The following CORIN variants were observed in gnomAD, a reference collection of about 807,000 sequenced individuals.
CORIN encodes the protein atrial natriuretic peptide-converting enzyme.
In CORIN, 117 loss-of-function variants were observed where a neutral mutation model predicts 125.3. That is an observed-to-expected ratio of 0.93 (90% CI 0.80 to 1.09). CORIN has a LOEUF of 1.09. CORIN is among the 50% of genes least tolerant of loss of function. The pLI, the probability that CORIN is intolerant of heterozygous loss-of-function variation, is 0.00. For synonymous variants in CORIN, 450 were observed against 466.4 expected (o/e 0.96, Z 0.45); for missense variants, 1,253 against 1,306.7 (o/e 0.96, Z 0.63).
chr4:47,614,201 T>C (rs1405972609), intron 19 of CORIN, among the ~76,000 whole-genome samples: 1 of 152,192 alleles, frequency 6.6e-6, no homozygotes, highest in African/African-American at 2.4e-5. Context: ...TTTTTGTTGT[T>C]GTTGTTTTGA....
intron 19 of CORIN, among the ~76,000 whole-genome samples, chr4:47,611,945 G>A (rs1721887462): frequency 6.6e-6 from 1 of 152,192 alleles, no homozygotes; most frequent in African/African-American, 2.4e-5. Flanking sequence ...TTTTTGATGT[G>A]CTGCTGGATT....
At chr4:47,695,549 G>T (rs540497335) in intron 5 of CORIN, among the ~76,000 whole-genome samples, 1 of 152,298 alleles carries the variant, frequency 6.6e-6, no homozygotes, top group South Asian at 2.1e-4. Flanking sequence ...TTTGATTATT[G>T]ATATCCCCTG....
At chr4:47,730,026 A>G in intron 5 of CORIN, among the ~76,000 whole-genome samples, 1 of 152,016 alleles carries the variant, frequency 6.6e-6, no homozygotes, top group Non-Finnish European at 1.5e-5. Flanking sequence ...CCTTGCACTC[A>G]TCCTTGGAGC....
intron 12 of CORIN, among the ~76,000 whole-genome samples, chr4:47,657,211 T>C (rs2109653482): frequency 6.6e-6 from 1 of 152,224 alleles, no homozygotes; most frequent in Non-Finnish European, 1.5e-5. Context: ...ATTATGTGTA[T>C]TAGGCCATTC....
chr4:47,745,527 C>T (rs1195863435), intron 4 of CORIN, among the ~76,000 whole-genome samples: 7 of 152,226 alleles, frequency 4.6e-5, no homozygotes, highest in Non-Finnish European at 7.3e-5. Context: ...ATACCTTATT[C>T]AAATCCTTCA....
intron 20 of CORIN, among the ~76,000 whole-genome samples, chr4:47,601,343 G>T (rs1017599792): frequency 2.0e-5 from 3 of 150,022 alleles, no homozygotes; most frequent in African/African-American, 2.5e-5. Context: ...TTGAGACAGG[G>T]TCTCATTCTG....
intron 1 of CORIN, among the ~76,000 whole-genome samples, chr4:47,809,603 T>A (rs891421457): frequency 6.6e-6 from 1 of 152,010 alleles, no homozygotes; most frequent in Non-Finnish European, 1.5e-5. Context: ...AGACAGAGTT[T>A]CACTATGTTG....
intron 19 of CORIN, among the ~76,000 whole-genome samples, chr4:47,606,759 C>T (rs1350741192): frequency 6.6e-6 from 1 of 151,702 alleles, no homozygotes; most frequent in Non-Finnish European, 1.5e-5. Flanking sequence ...TTCTCTTCCT[C>T]CCTTCTCTCC....
chr4:47,829,244 T>G (rs559656094), intron 1 of CORIN, among the ~76,000 whole-genome samples: 1 of 150,788 alleles, frequency 6.6e-6, no homozygotes, highest in East Asian at 2.0e-4. Flanking sequence ...AAATCTTGGA[T>G]ACATTGAGTT....
intron 5 of CORIN, among the ~76,000 whole-genome samples, chr4:47,731,362 C>T (rs6825974): frequency 2.0e-5 from 3 of 152,126 alleles, no homozygotes; most frequent in Middle Eastern, 3.4e-3. Flanking sequence ...GCTAGAGATC[C>T]GCATTTGTAG....
intron 13 of CORIN, 53 bp downstream of exon 13, chr4:47,653,500 T>G: frequency 7.1e-7 from 1 of 1,408,486 alleles, no homozygotes; most frequent in Non-Finnish European, 1.0e-6. Flanking sequence ...AGTTTCTTAT[T>G]TTATTCTAGT....
At chr4:47,628,844 G>A (rs1389804761) in intron 16 of CORIN, among the ~76,000 whole-genome samples, 1 of 152,078 alleles carries the variant, frequency 6.6e-6, no homozygotes, top group Non-Finnish European at 1.5e-5. Context: ...TGTAGTGTGT[G>A]TATGTGTATT....
At chr4:47,748,407 T>C (rs1357442893) in intron 4 of CORIN, among the ~76,000 whole-genome samples, 1 of 152,232 alleles carries the variant, frequency 6.6e-6, no homozygotes, top group Non-Finnish European at 1.5e-5. Flanking sequence ...TTTAAATTGA[T>C]GTCTGAAGTG....
At chr4:47,773,748 A>C (rs1264624315) in intron 3 of CORIN, among the ~76,000 whole-genome samples, 1 of 152,030 alleles carries the variant, frequency 6.6e-6, no homozygotes, top group Non-Finnish European at 1.5e-5. Flanking sequence ...TTCTTTTAAT[A>C]AATATACCTT....
At chr4:47,695,265 T>C (rs539155498) in intron 5 of CORIN, among the ~76,000 whole-genome samples, 3 of 152,348 alleles carry the variant, frequency 2.0e-5, no homozygotes, top group African/African-American at 7.2e-5. Context: ...GGGTTTATCT[T>C]ATTGTGAGAT....
At chr4:47,619,386 A>G (rs916272954) in intron 19 of CORIN, among the ~76,000 whole-genome samples, 1 of 152,224 alleles carries the variant, frequency 6.6e-6, no homozygotes, top group Admixed American at 6.5e-5. Flanking sequence ...AGTAAATCCC[A>G]TTAATTGCTG....
At chr4:47,807,745 A>G (rs1055347773) in intron 1 of CORIN, among the ~76,000 whole-genome samples, 1 of 152,206 alleles carries the variant, frequency 6.6e-6, no homozygotes, top group African/African-American at 2.4e-5. Context: ...AAATGCTTCA[A>G]ATTTTGCTTA....
chr4:47,625,375 T>C (rs1722510298), intron 17 of CORIN, among the ~76,000 whole-genome samples: 1 of 152,062 alleles, frequency 6.6e-6, no homozygotes, highest in Admixed American at 6.6e-5. Context: ...CACTTGTAGT[T>C]AGTAAACCAG....
chr4:47,697,115 T>C (rs1455261436), intron 5 of CORIN, among the ~76,000 whole-genome samples: 3 of 152,204 alleles, frequency 2.0e-5, no homozygotes, highest in Non-Finnish European at 2.9e-5. Context: ...ACTATTGCCC[T>C]TACCTTTTAC....
Sources: allele counts gnomAD v4.1 joint callset (sites outside exome capture counted in the v4.1 genomes callset), GRCh38; gene constraint gnomAD v4.1.1; transcripts MANE v1.5; gene names NCBI Gene and HGNC (gene_info 2026-07-23, HGNC 2026-07-21).